SLC2A9: variants seen among roughly 807,000 people sequenced by gnomAD.
SLC2A9 encodes the protein solute carrier family 2 member 9.
A neutral mutation model predicts 50.6 loss-of-function variants in SLC2A9; 39 were observed. The ratio of observed to expected loss-of-function variants is 0.77; its 90% confidence interval spans 0.60 to 1.01. The LOEUF is 1.01. Among genes scored for constraint, SLC2A9 ranks in the 50% least tolerant of loss-of-function variants. The pLI is 0.00. For synonymous variants in SLC2A9, 324 were observed against 276.9 expected (o/e 1.17, Z -1.69); for missense variants, 686 against 677.6 (o/e 1.01, Z -0.14).
At chr4:10,026,634 A>G (rs1578387811) in intron 1 of SLC2A9, among the ~76,000 whole-genome samples, 1 of 152,240 alleles carries the variant, frequency 6.6e-6, no homozygotes, top group South Asian at 2.1e-4. Context: ...GAATGAATGA[A>G]TAAGCAAAAT....
chr4:10,026,080 G>A (rs945691493), upstream of SLC2A9: 50 of 1,118,306 alleles, frequency 4.5e-5, no homozygotes, highest in African/African-American at 6.0e-4. Context: ...AGGTGGCCTG[G>A]AGCAGTCTTC....
Position 9,970,085 on chromosome 4 carries a change from C to T in SLC2A9, c.681+10507G>A, listed in dbSNP as rs114401322. ...AGCCAGGTGGAAAACTGTGAGTCCTCAGAGTGTGGCAGTGGGAGAGACTGC... is the reference window on the plus strand; with the variant it reads ...AGCCAGGTGGAAAACTGTGAGTCCTTAGAGTGTGGCAGTGGGAGAGACTGC... On this transcript the variant is annotated intron_variant, in intron 5 of 11. Coordinates refer to ENST00000264784, the MANE Select transcript of SLC2A9 (RefSeq NM_020041.3). 9.6e-3 allele frequency among the ~76,000 whole-genome samples: 1,455 copies of T among 152,308 alleles called. 28 individuals are homozygous for T. Among genetic ancestry groups the T allele is most frequent in the African/African-American group, 0.034 (1,398 of 41,574 alleles).
chr4:9,824,093 C>T (rs1478995023), downstream of SLC2A9, among the ~76,000 whole-genome samples: 1 of 152,000 alleles, frequency 6.6e-6, no homozygotes, highest in African/African-American at 2.4e-5. Context: ...TCATGAGAGC[C>T]CTCATGAATT....
Position 9,920,395 on chromosome 4 carries a change from C to T in SLC2A9, c.992G>A (p.Gly331Asp). 1 of 1,614,136 alleles carries T rather than the reference C, an allele frequency of 6.2e-7. No homozygotes were observed. The highest frequency in any genetic ancestry group is 2.2e-5 in the East Asian group (1 of 44,884). The change falls in exon 7 of 12, where the codon GGC becomes GAC. Residue 331 changes from glycine to aspartate, a missense_variant. Coordinates refer to ENST00000264784, the MANE Select transcript of SLC2A9 (RefSeq NM_020041.3). ...GGCCCCAGGACTCACTGCATTGAGG[C>T]CACAGAGCTGGTAGCAGGCCATGGT... ...IVTMACYQLCGLNAIWFYTNS... is the reference protein window; with the variant it reads ...IVTMACYQLCDLNAIWFYTNS...
chr4:9,861,191 C>T lies in SLC2A9; in HGVS notation c.1292-26183G>A, dbSNP rs150790389. Among the ~76,000 whole-genome samples the T allele has an allele frequency of 3.1e-3, 466 of 152,240 alleles. 7 individuals are homozygous for T. The highest frequency in any genetic ancestry group is 0.011 in the African/African-American group (453 of 41,540). ...AAGCATGATGCTGGCATCTACTCAGCTTCTGCGGAGGTCTCAGGAATCTTC... is the reference window on the plus strand; with the variant it reads ...AAGCATGATGCTGGCATCTACTCAGTTTCTGCGGAGGTCTCAGGAATCTTC... On this transcript the variant is annotated intron_variant, in intron 10 of 11. Coordinates refer to ENST00000264784, the MANE Select transcript of SLC2A9 (RefSeq NM_020041.3).
intron 5 of SLC2A9, among the ~76,000 whole-genome samples, chr4:9,955,616 C>CT (rs999512023): frequency 3.3e-5 from 5 of 151,974 alleles, no homozygotes; most frequent in African/African-American, 1.2e-4. Context: ...TGCTGTAACG[C>CT]TTTTTAATAA....
intron 9 of SLC2A9, among the ~76,000 whole-genome samples, chr4:9,888,939 T>G (rs1176359016): frequency 6.6e-6 from 1 of 152,146 alleles, no homozygotes; most frequent in African/African-American, 2.4e-5. Context: ...TTCAGCTGAT[T>G]GATCCGAGCT....
In SLC2A9 at chr4:10,018,964, C is replaced by A. The variant is rs377565288; in HGVS notation, c.249+11G>T. 1.3e-3 allele frequency: 1,959 copies of A among 1,549,042 alleles called. 3 individuals are homozygous for A. Among genetic ancestry groups the A allele is most frequent in the Middle Eastern group, 1.7e-3 (8 of 4,610 alleles). On this transcript the variant is annotated intron_variant, in intron 2 of 11. Coordinates refer to ENST00000264784, the MANE Select transcript of SLC2A9 (RefSeq NM_020041.3). ...CGCAGCGCCCTCTGCCGGGCCTTGGCGCGCACTCACCGGGGTGGGGGCATT... is the reference window on the plus strand; with the variant it reads ...CGCAGCGCCCTCTGCCGGGCCTTGGAGCGCACTCACCGGGGTGGGGGCATT...
chr4:9,969,473 T>C (rs191662855), intron 5 of SLC2A9, among the ~76,000 whole-genome samples: 50 of 152,356 alleles, frequency 3.3e-4, no homozygotes, highest in Admixed American at 2.8e-3. Context: ...TGACAAATAC[T>C]CTTAAATACA....
chr4:9,877,194 G>A (rs959351255), intron 10 of SLC2A9, among the ~76,000 whole-genome samples: 4 of 152,198 alleles, frequency 2.6e-5, no homozygotes, highest in Non-Finnish European at 4.4e-5. Context: ...CCAAGGCCAC[G>A]GATAGGGTTC....
chr4:9,806,436 G>C (rs926113837), intron 3 of SLC2A9, among the ~76,000 whole-genome samples: 18 of 152,222 alleles, frequency 1.2e-4, no homozygotes, highest in Admixed American at 8.5e-4. Context: ...TAGAAATAAT[G>C]CTTATCACTG....
chr4:9,783,257 T>G (rs781050541), intron 3 of SLC2A9: 11 of 1,614,178 alleles, frequency 6.8e-6, no homozygotes, highest in Non-Finnish European at 8.5e-6. Context: ...CGCAGCTGCC[T>G]ACATCCACAT....
intron 11 of SLC2A9, among the ~76,000 whole-genome samples, chr4:9,832,283 C>T (rs1210787218): frequency 6.6e-6 from 1 of 152,120 alleles, no homozygotes; most frequent in Non-Finnish European, 1.5e-5. Context: ...ACTTGTTAGC[C>T]CTGTATTTCT....
intron 3 of SLC2A9, among the ~76,000 whole-genome samples, chr4:9,786,265 A>T (rs997069210): frequency 3.9e-5 from 6 of 152,214 alleles, no homozygotes; most frequent in Non-Finnish European, 7.3e-5. Flanking sequence ...TAAGGAAATG[A>T]AGGCATTGGC....
At chr4:9,999,209 T>C (rs1214617992) in intron 2 of SLC2A9, among the ~76,000 whole-genome samples, 1 of 151,922 alleles carries the variant, frequency 6.6e-6, no homozygotes, top group Non-Finnish European at 1.5e-5. Context: ...TATGTGCCAC[T>C]ATGCCTGGAT....
At chr4:9,961,642 G>A (rs1442703319) in intron 5 of SLC2A9, among the ~76,000 whole-genome samples, 25 of 152,106 alleles carry the variant, frequency 1.6e-4, no homozygotes, top group Non-Finnish European at 1.5e-5. Flanking sequence ...TACCATTCAG[G>A]ACATAGGCAT....
chr4:9,830,577 C>T (rs1725963562), intron 11 of SLC2A9, among the ~76,000 whole-genome samples: 1 of 152,222 alleles, frequency 6.6e-6, no homozygotes, highest in Admixed American at 6.5e-5. Flanking sequence ...CTGCCCGTCT[C>T]ACTCTGCTTA....
At chr4:9,983,348 T>C (rs1344856214) in intron 4 of SLC2A9, among the ~76,000 whole-genome samples, 1 of 152,214 alleles carries the variant, frequency 6.6e-6, no homozygotes, top group Non-Finnish European at 1.5e-5. Flanking sequence ...CACGTGGCCA[T>C]GGGACTTGCT....
chr4:9,953,846 G>T (rs2108865481), intron 5 of SLC2A9, among the ~76,000 whole-genome samples: 1 of 152,308 alleles, frequency 6.6e-6, no homozygotes, highest in East Asian at 1.9e-4. Flanking sequence ...TTTTGCTTTT[G>T]TTGCCCAGGA....
Sources: gnomAD v4.1 joint callset for allele counts (sites outside exome capture counted in the v4.1 genomes callset) on GRCh38, gnomAD v4.1.1 for gene constraint, MANE v1.5 for transcripts, NCBI Gene and HGNC (gene_info 2026-07-23, HGNC 2026-07-21) for gene names.